The following CERS3 variants were observed in gnomAD, a reference collection of about 807,000 sequenced individuals.
The protein encoded by CERS3 is ceramide synthase 3.
CERS3 carries 33 observed loss-of-function variants against 50.3 expected under a neutral mutation model. That is an observed-to-expected ratio of 0.66 (90% CI 0.50 to 0.88). The LOEUF (loss-of-function observed/expected upper bound fraction) is 0.88, where lower values mean the gene tolerates loss of function less well. Among genes scored for constraint, CERS3 ranks in the 40% least tolerant of loss-of-function variants. The probability of loss-of-function intolerance (pLI) is 0.00; values close to 1 mark genes in which losing one functional copy is unlikely to be tolerated. For missense variants in CERS3, 470 were observed against 460.3 expected (o/e 1.02, Z -0.19); for synonymous variants, 176 against 155.2 (o/e 1.13, Z -0.99).
intron 11 of CERS3, among the ~76,000 whole-genome samples, chr15:100,438,921 T>A (rs2033554407): frequency 1.3e-5 from 2 of 152,232 alleles, no homozygotes; most frequent in Non-Finnish European, 2.9e-5. Context: ...TCTTAAGTAA[T>A]ATTAAACAAA....
At chr15:100,501,367 T>C (rs2035990918) in intron 3 of CERS3, among the ~76,000 whole-genome samples, 3 of 152,238 alleles carry the variant, frequency 2.0e-5, no homozygotes, top group Admixed American at 2.0e-4. Flanking sequence ...GAAGAGTAGA[T>C]GAACTGGGTT....
At chr15:100,466,521 C>T (rs530543815) in intron 10 of CERS3, among the ~76,000 whole-genome samples, 90 of 152,142 alleles carry the variant, frequency 5.9e-4, no homozygotes, top group Non-Finnish European at 9.0e-4. Context: ...TTGGAAATGA[C>T]GTGATGTGAC....
At chr15:100,427,995 G>A (rs2032921899) in intron 11 of CERS3, among the ~76,000 whole-genome samples, 1 of 152,160 alleles carries the variant, frequency 6.6e-6, no homozygotes, top group African/African-American at 2.4e-5. Context: ...GAGTCAAAAC[G>A]GCCTCCCCTG....
At chr15:100,528,331 G>A (rs746997133) in intron 1 of CERS3, among the ~76,000 whole-genome samples, 234 of 152,244 alleles carry the variant, frequency 1.5e-3, no homozygotes, top group Non-Finnish European at 2.9e-3. Context: ...TCAGCTTAAG[G>A]CACTCTGGGA....
chr15:100,415,545 T>C (rs965731741), intron 11 of CERS3, among the ~76,000 whole-genome samples: 2 of 152,146 alleles, frequency 1.3e-5, no homozygotes, highest in African/African-American at 2.4e-5. Context: ...AACACCCAAA[T>C]GCCCATCAAT....
At chr15:100,442,274 TATTCTC>T (rs1168716948) in intron 11 of CERS3, among the ~76,000 whole-genome samples, 2 of 152,212 alleles carry the variant, frequency 1.3e-5, no homozygotes, top group African/African-American at 2.4e-5. Flanking sequence ...AGGGCCGTCT[TATTCTC>T]AATATAAATT....
intron 7 of CERS3, among the ~76,000 whole-genome samples, chr15:100,478,905 C>G (rs147244813): frequency 3.0e-4 from 46 of 152,166 alleles, no homozygotes; most frequent in African/African-American, 1.0e-3. Flanking sequence ...ACAATAATAG[C>G]AATGACTTCT....
chr15:100,432,290 G>T (rs772757344), intron 11 of CERS3, among the ~76,000 whole-genome samples: 20 of 152,164 alleles, frequency 1.3e-4, no homozygotes, highest in Non-Finnish European at 2.2e-4. Flanking sequence ...GTCACCAAAT[G>T]TCAGGCTTTC....
At chr15:100,407,217 C>A (rs1047757624) in intron 11 of CERS3, among the ~76,000 whole-genome samples, 2 of 152,216 alleles carry the variant, frequency 1.3e-5, no homozygotes, top group Non-Finnish European at 2.9e-5. Context: ...ACCCACCCAT[C>A]TCTGCAAGAC....
intron 11 of CERS3, among the ~76,000 whole-genome samples, chr15:100,411,304 G>A (rs1372638922): frequency 6.6e-6 from 1 of 152,118 alleles, no homozygotes; most frequent in East Asian, 1.9e-4. Context: ...TGGCGTTACA[G>A]GTGCCCACCA....
chr15:100,430,288 G>C (rs1050063519), intron 11 of CERS3, among the ~76,000 whole-genome samples: 1 of 151,270 alleles, frequency 6.6e-6, no homozygotes, highest in South Asian at 2.1e-4. Flanking sequence ...CTCCAGCCTG[G>C]ACGACAGAGC....
intron 4 of CERS3, 82 bp downstream of exon 4, chr15:100,490,735 T>G: frequency 1.2e-6 from 1 of 807,948 alleles, no homozygotes. Context: ...ATAGATTTCT[T>G]GCACACACAA....
chr15:100,500,496 G>C (rs1463124093), intron 3 of CERS3: 1 of 152,166 alleles, frequency 6.6e-6, no homozygotes, highest in Non-Finnish European at 1.5e-5. Flanking sequence ...CCACCAAAAA[G>C]TAGGAAATCT....
chr15:100,426,945 C>G (rs2032847685), intron 11 of CERS3, among the ~76,000 whole-genome samples: 1 of 152,208 alleles, frequency 6.6e-6, no homozygotes, highest in Non-Finnish European at 1.5e-5. Context: ...TCAATTGGGT[C>G]CTTTGATACG....
chr15:100,532,559 A>G (rs1450833812), upstream of CERS3, among the ~76,000 whole-genome samples: 1 of 152,032 alleles, frequency 6.6e-6, no homozygotes, highest in Non-Finnish European at 1.5e-5. Flanking sequence ...TGCGTCCAAG[A>G]GTTCAAGACC....
Position 100,456,048 on chromosome 15 carries a change from T to C in CERS3, c.846-2A>G. ...AAGATCAGCGTGCAATATAAAATCC[T>C]GAAACACCAAACAGTTGAGAGAATT... On this transcript the variant is annotated splice_acceptor_variant, in intron 10 of 11. Coordinates refer to ENST00000679737, the MANE Select transcript of CERS3 (RefSeq NM_001378789.1). LOFTEE classifies it high-confidence loss of function. 6.3e-7 allele frequency: 1 copy of C among 1,597,534 alleles called. No homozygotes were observed. The highest frequency in any genetic ancestry group is 8.5e-7 in the Non-Finnish European group (1 of 1,172,860).
intron 2 of CERS3, among the ~76,000 whole-genome samples, chr15:100,518,960 G>A (rs1435316838): frequency 2.0e-5 from 3 of 152,138 alleles, no homozygotes; most frequent in Admixed American, 6.5e-5. Flanking sequence ...TCAGGAGTAC[G>A]AGACCAGCCT....
intron 2 of CERS3, among the ~76,000 whole-genome samples, chr15:100,506,464 C>CCCG (rs1555533158): frequency 6.8e-5 from 1 of 14,772 alleles, no homozygotes; most frequent in African/African-American, 1.3e-4. Context: ...AATCGGGACC[C>CCCG]CCCCGCCGCC....
chr15:100,412,192 G>C (rs2031545781), intron 11 of CERS3, among the ~76,000 whole-genome samples: 2 of 151,904 alleles, frequency 1.3e-5, no homozygotes, highest in African/African-American at 4.8e-5. Context: ...TTTGCCCTAT[G>C]TTTTCTTCTA....
Sources: gnomAD v4.1 joint callset for allele counts (sites outside exome capture counted in the v4.1 genomes callset) on GRCh38, gnomAD v4.1.1 for gene constraint, MANE v1.5 for transcripts, NCBI Gene and HGNC (gene_info 2026-07-23, HGNC 2026-07-21) for gene names.